NRDC: variants seen among roughly 807,000 people sequenced by gnomAD.
NRDC encodes the protein nardilysin convertase.
Under a neutral mutation model 147.1 loss-of-function variants are expected in NRDC, and 54 were observed. The ratio of observed to expected loss-of-function variants is 0.37; its 90% CI spans 0.29 to 0.46. The LOEUF (loss-of-function observed/expected upper bound fraction) is 0.46. Among genes scored for constraint, NRDC ranks in the 20% least tolerant of loss-of-function variants. The pLI is 1.00. For synonymous variants in NRDC, 440 were observed against 482.1 expected (o/e 0.91, Z 1.14); for missense variants, 1,082 against 1,370.6 (o/e 0.79, Z 3.33).
chr1:51,816,283 C>A (rs777922909), intron 11 of NRDC, 29 bp downstream of exon 11: 3 of 1,462,252 alleles, frequency 2.1e-6, no homozygotes, highest in Non-Finnish European at 2.8e-6. Context: ...GATTGCTATA[C>A]TGAAAATACT....
intron 1 of NRDC, among the ~76,000 whole-genome samples, chr1:51,864,769 T>G (rs1413460939): frequency 6.6e-6 from 1 of 151,950 alleles, no homozygotes; most frequent in African/African-American, 2.4e-5. Flanking sequence ...CTGGCCAACA[T>G]GGTAAAACCC....
chr1:51,816,253 A>G, intron 11 of NRDC, 59 bp downstream of exon 11: 1 of 1,099,944 alleles, frequency 9.1e-7, no homozygotes. Context: ...TATAATACTT[A>G]TTGTCTACTA....
At chr1:51,842,214 GA>G (rs1681302054) in intron 1 of NRDC, among the ~76,000 whole-genome samples, 1 of 148,572 alleles carries the variant, frequency 6.7e-6, no homozygotes. Flanking sequence ...ACATTTAAGT[GA>G]TAGAAAAAAT....
chr1:51,804,098 A>C (rs1679338689), intron 19 of NRDC, 134 bp from the exon 20 acceptor site: 1 of 720,520 alleles, frequency 1.4e-6, no homozygotes, highest in Admixed American at 3.3e-5. Context: ...AAAAGGTAAT[A>C]CAGCTTACTC....
At chr1:51,823,551 ATTAAGGTCAAG>A in intron 7 of NRDC, 102 bp downstream of exon 7, 1 of 156,610 alleles carries the variant, frequency 6.4e-6, no homozygotes, top group Non-Finnish European at 9.9e-6. Flanking sequence ...TTTACTTTGT[ATTAAGGTCAAG>A]CACTAAAGTA....
At chr1:51,797,476 T>A (rs1161434804) in intron 22 of NRDC, among the ~76,000 whole-genome samples, 1 of 152,224 alleles carries the variant, frequency 6.6e-6, no homozygotes, top group Non-Finnish European at 1.5e-5. Flanking sequence ...ACCACAAATC[T>A]TCTTAAATCC....
At chr1:51,791,518 G>GT (rs1444155093) in intron 27 of NRDC, 60 bp downstream of exon 27, 39 of 1,379,450 alleles carry the variant, frequency 2.8e-5, no homozygotes, top group Non-Finnish European at 7.2e-6. Flanking sequence ...GGAAACACAT[G>GT]TAGCCCCTAC....
At chr1:51,848,026 A>T (rs1681741254) in intron 1 of NRDC, among the ~76,000 whole-genome samples, 1 of 152,272 alleles carries the variant, frequency 6.6e-6, no homozygotes, top group Non-Finnish European at 1.5e-5. Context: ...GAACCTACAC[A>T]TAAAGCCCTT....
chr1:51,830,049 CT>C (rs1680637241), intron 4 of NRDC, among the ~76,000 whole-genome samples: 1 of 149,354 alleles, frequency 6.7e-6, no homozygotes, highest in African/African-American at 2.5e-5. Context: ...ACTGCAAGCT[CT>C]GCCTCCCACG....
chr1:51,848,628 A>G (rs1681778144), intron 1 of NRDC, among the ~76,000 whole-genome samples: 1 of 152,234 alleles, frequency 6.6e-6, no homozygotes, highest in Non-Finnish European at 1.5e-5. Flanking sequence ...AGTAGCCAAA[A>G]TCAAAGAACT....
At chr1:51,846,199 C>T (rs563958362) in intron 1 of NRDC, among the ~76,000 whole-genome samples, 22 of 152,176 alleles carry the variant, frequency 1.4e-4, no homozygotes, top group Non-Finnish European at 3.1e-4. Context: ...GCAACCTCCA[C>T]TTCCCAGGTT....
rs1485159588 is a variant in NRDC at position 51,811,981 on chromosome 1, T to A, written c.1779+13A>T. On this transcript the variant is annotated intron_variant, in intron 15 of 30. Transcript: ENST00000352171. ...CCCCTAAAAGTAAGTTTTAGACGTA[T>A]AAACCTCCTTACTTCTGGCTTGTAT... 6.3e-7 allele frequency: 1 copy of A among 1,582,570 alleles called. No homozygotes were observed. Among genetic ancestry groups the A allele is most frequent in the Non-Finnish European group, 8.7e-7 (1 of 1,151,510 alleles).
intron 1 of NRDC, among the ~76,000 whole-genome samples, chr1:51,859,584 T>C (rs1682427847): frequency 6.6e-6 from 1 of 152,232 alleles, no homozygotes; most frequent in African/African-American, 2.4e-5. Flanking sequence ...TCTTCTGTCA[T>C]GAGGTCTACA....
chr1:51,856,840 CTG>C (rs1325107008), intron 1 of NRDC, among the ~76,000 whole-genome samples: 1 of 152,266 alleles, frequency 6.6e-6, no homozygotes, highest in South Asian at 2.1e-4. Flanking sequence ...AGGAGAAAGT[CTG>C]AGAAATTCTG....
intron 21 of NRDC, chr1:51,799,102 G>A (rs1679066018): frequency 6.6e-6 from 1 of 152,048 alleles, no homozygotes; most frequent in Non-Finnish European, 1.5e-5. Flanking sequence ...AAAATAGAAG[G>A]TTGTGTTTAA....
chr1:51,873,785 A>G (rs1267884964), intron 1 of NRDC, among the ~76,000 whole-genome samples: 1 of 151,260 alleles, frequency 6.6e-6, no homozygotes, highest in Non-Finnish European at 1.5e-5. Context: ...TGCTGGGATT[A>G]CAGGCGTGAG....
intron 1 of NRDC, 102 bp from the exon 2 acceptor site, chr1:51,840,616 A>C: frequency 1.3e-6 from 1 of 783,168 alleles, no homozygotes; most frequent in East Asian, 2.5e-5. Context: ...TCCAAGTAAA[A>C]GTACAAACAC....
chr1:51,856,413 A>G (rs1682244300), intron 1 of NRDC, among the ~76,000 whole-genome samples: 1 of 152,212 alleles, frequency 6.6e-6, no homozygotes, highest in Admixed American at 6.5e-5. Flanking sequence ...ACCAGTTTCA[A>G]GTCCAGACCT....
At chr1:51,845,488 G>A (rs1681510050) in intron 1 of NRDC, among the ~76,000 whole-genome samples, 1 of 152,172 alleles carries the variant, frequency 6.6e-6, no homozygotes, top group Non-Finnish European at 1.5e-5. Flanking sequence ...AGCTACTCAG[G>A]AAGCTGAAGC....
Sources: allele counts gnomAD v4.1 joint callset (sites outside exome capture counted in the v4.1 genomes callset), GRCh38; gene constraint gnomAD v4.1.1; transcripts MANE v1.5; gene names NCBI Gene and HGNC (gene_info 2026-07-23, HGNC 2026-07-21).